HDX: variants seen among roughly 807,000 people sequenced by gnomAD.
HDX encodes the protein highly divergent homeobox, also known as chromosome X open reading frame 43.
HDX carries 19 observed loss-of-function variants against 45.2 expected under a neutral mutation model. That is an observed-to-expected ratio of 0.42 (90% CI 0.29 to 0.62). The LOEUF (loss-of-function observed/expected upper bound fraction) is 0.62. HDX is among the 20% of genes least tolerant of loss of function. HDX has a pLI of 0.20. For synonymous variants in HDX, 188 were observed against 172.8 expected, an observed-to-expected ratio of 1.09 and a Z score of -0.69; for missense variants, 532 against 493.9, an observed-to-expected ratio of 1.08 and a Z score of -0.73.
intron 6 of HDX, among the ~76,000 whole-genome samples, chrX:84,346,244 C>T (rs946801081): frequency 9.0e-6 from 1 of 110,814 alleles, no homozygotes; most frequent in East Asian, 2.9e-4. Context: ...TGCATATATT[C>T]GGGAGGCTGA....
intron 5 of HDX, among the ~76,000 whole-genome samples, chrX:84,418,408 GAA>G (rs1214070811): frequency 8.9e-6 from 1 of 111,866 alleles, no homozygotes; most frequent in Non-Finnish European, 1.9e-5. Flanking sequence ...ATATAAATGA[GAA>G]AGAACCAAAC....
chrX:84,380,747 T>A (rs889992028), intron 5 of HDX, among the ~76,000 whole-genome samples: 1 of 111,022 alleles, frequency 9.0e-6, no homozygotes, highest in Non-Finnish European at 1.9e-5. Context: ...ATAAAAGGCA[T>A]ATATGACACT....
intron 4 of HDX, among the ~76,000 whole-genome samples, chrX:84,461,708 A>C (rs1370045672): frequency 9.0e-6 from 1 of 111,547 alleles, no homozygotes; most frequent in Non-Finnish European, 1.9e-5. Context: ...CAAAGGAAAC[A>C]ATCAACAAAG....
chrX:84,443,874 T>C (rs2039815759), intron 4 of HDX, among the ~76,000 whole-genome samples: 1 of 111,837 alleles, frequency 8.9e-6, no homozygotes, highest in Admixed American at 9.5e-5. Flanking sequence ...CTATATGTGG[T>C]GCTGTTTTAG....
chrX:84,384,908 T>A (rs1169738995), intron 5 of HDX, among the ~76,000 whole-genome samples: 1 of 111,031 alleles, frequency 9.0e-6, no homozygotes, highest in Non-Finnish European at 1.9e-5. Context: ...GTACCAGTAC[T>A]TTGTTGTTTT....
At chrX:84,430,684 AT>A (rs34140119) in intron 5 of HDX, among the ~76,000 whole-genome samples, 101 of 104,687 alleles carry the variant, frequency 9.6e-4, no homozygotes, top group African/African-American at 2.4e-3. Context: ...AGTATTTGTG[AT>A]TTTTTTTTTG....
chrX:84,435,003 C>G (rs888937055), intron 5 of HDX, among the ~76,000 whole-genome samples: 3 of 110,418 alleles, frequency 2.7e-5, no homozygotes, highest in African/African-American at 9.9e-5. Context: ...TGTTTGGTAT[C>G]CAGTATGACA....
At chrX:84,336,519 G>A (rs1024231070) in intron 8 of HDX, among the ~76,000 whole-genome samples, 20 of 111,272 alleles carry the variant, frequency 1.8e-4, no homozygotes, top group African/African-American at 5.8e-4. Flanking sequence ...TAACTGTGTT[G>A]AAGAAAAATA....
chrX:84,406,535 C>CTCTA (rs749369908), intron 5 of HDX, among the ~76,000 whole-genome samples: 17,384 of 37,858 alleles, frequency 0.46, 1,629 homozygotes, highest in East Asian at 0.81. Flanking sequence ...CACACACACA[C>CTCTA]TCTATGTATC....
At chrX:84,416,598 C>T (rs921553423) in intron 5 of HDX, among the ~76,000 whole-genome samples, 19 of 111,148 alleles carry the variant, frequency 1.7e-4, no homozygotes, top group Non-Finnish European at 3.6e-4. Context: ...ATTTTCCTCA[C>T]CATTGCATCC....
intron 4 of HDX, among the ~76,000 whole-genome samples, chrX:84,452,019 C>T (rs1164703300): frequency 9.0e-6 from 1 of 111,233 alleles, no homozygotes; most frequent in Non-Finnish European, 1.9e-5. Context: ...GAATGTACCT[C>T]AACATAACAA....
intron 6 of HDX, among the ~76,000 whole-genome samples, chrX:84,345,494 C>G (rs1444917534): frequency 1.8e-5 from 2 of 111,562 alleles, no homozygotes; most frequent in Non-Finnish European, 3.8e-5. Context: ...AAGCAGTATT[C>G]CATGATATAT....
At chrX:84,480,151 A>G in intron 2 of HDX, among the ~76,000 whole-genome samples, 1 of 111,369 alleles carries the variant, frequency 9.0e-6, no homozygotes, top group Admixed American at 9.6e-5. Flanking sequence ...AACATTTCCA[A>G]TTGTTCATTG....
chrX:84,498,882 T>G (rs1450479600), intron 1 of HDX, among the ~76,000 whole-genome samples: 1 of 108,327 alleles, frequency 9.2e-6, no homozygotes, highest in Non-Finnish European at 1.9e-5. Flanking sequence ...ATTCCAGAGA[T>G]TTAGATCCTA....
chrX:84,324,885 T>A (rs2036675678), intron 10 of HDX, among the ~76,000 whole-genome samples: 1 of 110,981 alleles, frequency 9.0e-6, no homozygotes, highest in African/African-American at 3.3e-5. Flanking sequence ...CTTACAGTAC[T>A]CTTGGGACCA....
At chrX:84,366,145 C>T (rs2037747375) in intron 5 of HDX, among the ~76,000 whole-genome samples, 1 of 111,924 alleles carries the variant, frequency 8.9e-6, no homozygotes, top group African/African-American at 3.2e-5. Flanking sequence ...TCTCAGGATA[C>T]AAAATCAATG....
At chrX:84,443,491 T>C (rs926580102) in intron 4 of HDX, among the ~76,000 whole-genome samples, 4 of 111,607 alleles carry the variant, frequency 3.6e-5, no homozygotes, top group African/African-American at 9.7e-5. Context: ...CATTTCCAAG[T>C]AGAAAATTTG....
At chrX:84,405,726 T>C (rs1012127184) in intron 5 of HDX, among the ~76,000 whole-genome samples, 1 of 107,068 alleles carries the variant, frequency 9.3e-6, no homozygotes, top group African/African-American at 3.4e-5. Flanking sequence ...TATAACAAAC[T>C]GTTTTTCTCT....
chrX:84,443,737 T>C (rs897324984), intron 4 of HDX, among the ~76,000 whole-genome samples: 1 of 112,110 alleles, frequency 8.9e-6, no homozygotes, highest in Non-Finnish European at 1.9e-5. Context: ...GAATTATTTG[T>C]CACTACTGAA....
Sources: allele counts gnomAD v4.1 joint callset (sites outside exome capture counted in the v4.1 genomes callset), GRCh38; gene constraint gnomAD v4.1.1; transcripts MANE v1.5; gene names NCBI Gene and HGNC (gene_info 2026-07-23, HGNC 2026-07-21).